Variants in ITGA6 observed in about 807,000 individuals in gnomAD.
ITGA6 encodes integrin subunit alpha 6, also known as integrin alpha-6.
ITGA6 carries 63 observed loss-of-function variants against 133.6 expected under a neutral mutation model. The observed-to-expected ratio is 0.47, with a 90% confidence interval of 0.38 to 0.58. The LOEUF is 0.58. ITGA6 is among the 20% of genes least tolerant of loss of function. The pLI, the probability that ITGA6 is intolerant of heterozygous loss-of-function variation, is 0.00. For synonymous variants in ITGA6, 434 were observed against 482.0 expected, an observed-to-expected ratio of 0.90 and a Z score of 1.30; for missense variants, 1,068 against 1,309.4, an observed-to-expected ratio of 0.82 and a Z score of 2.85.
chr2:172,505,483 T>TA lies in ITGA6; in HGVS notation c.*1417dup, dbSNP rs1262414231. The stretch of plus-strand genomic sequence containing the variant: ...CCCAAAAATTACTTTGGGGCTAATT[T>TA]AACAAGAACTTTAAATTGTGTTTTA... On this transcript the variant is annotated 3_prime_UTR_variant, in exon 26 of 26. Coordinates refer to ENST00000684293, the MANE Select transcript of ITGA6 (RefSeq NM_000210.4). 6.6e-6 allele frequency: 1 copy of TA among 152,392 alleles called. No homozygotes were observed. Among genetic ancestry groups the TA allele is most frequent in the Non-Finnish European group, 1.5e-5 (1 of 68,034 alleles). The allele number at this position is 152,392 out of a possible 1,614,324, so 9.4% of individuals were successfully genotyped here.
At chr2:172,443,371 C>CT (rs1212096070) in intron 1 of ITGA6, among the ~76,000 whole-genome samples, 3 of 152,188 alleles carry the variant, frequency 2.0e-5, no homozygotes, top group African/African-American at 7.2e-5. Context: ...AAAAGCAGTG[C>CT]TGCAGTGAAG....
At chr2:172,486,954 G>C (rs1022655730) in intron 13 of ITGA6, 69 bp from the exon 14 acceptor site, 2 of 820,484 alleles carry the variant, frequency 2.4e-6, no homozygotes, top group Admixed American at 1.8e-5. Flanking sequence ...GGAATAGCCA[G>C]TCACCTACAT....
At chr2:172,450,588 G>A (rs1481875622) in intron 1 of ITGA6, among the ~76,000 whole-genome samples, 1 of 152,048 alleles carries the variant, frequency 6.6e-6, no homozygotes, top group Non-Finnish European at 1.5e-5. Context: ...GGGATATAAG[G>A]GCAAGTGAAG....
chr2:172,484,456 A>T (rs1376047090), intron 11 of ITGA6, among the ~76,000 whole-genome samples: 1 of 152,214 alleles, frequency 6.6e-6, no homozygotes. Context: ...TCCTCTGCTT[A>T]TCGTTAGTAT....
At chr2:172,477,877 C>G (rs995963180) in intron 9 of ITGA6, among the ~76,000 whole-genome samples, 2 of 152,156 alleles carry the variant, frequency 1.3e-5, no homozygotes, top group Admixed American at 6.5e-5. Context: ...ATTTTTTCTA[C>G]TAAATTGTAC....
chr2:172,432,615 AGAAAC>A (rs1299839310), intron 1 of ITGA6, among the ~76,000 whole-genome samples: 1 of 152,236 alleles, frequency 6.6e-6, no homozygotes, highest in Non-Finnish European at 1.5e-5. Flanking sequence ...AGCTTAGCAA[AGAAAC>A]GCACAAGACG....
In ITGA6 at chr2:172,465,641, G is replaced by GCGCCC; in HGVS notation, c.287_288insCCCCG (p.Ile97ProfsTer35). ...ACATCACCGCCCGGGGGCCATGCAC[G>GCGCCC]CGGATCGAGTTTGATAACGATGGTG... On this transcript the variant is annotated frameshift_variant, in exon 2 of 26. Transcript: ENST00000684293. LOFTEE classifies it high-confidence loss of function. The GCGCCC allele has an allele frequency of 6.2e-7, 1 of 1,614,244 alleles. No homozygotes were observed. The highest frequency in any genetic ancestry group is 2.2e-5 in the East Asian group (1 of 44,884).
At chr2:172,436,844 A>G (rs1422651200) in intron 1 of ITGA6, among the ~76,000 whole-genome samples, 6 of 152,228 alleles carry the variant, frequency 3.9e-5, no homozygotes, top group African/African-American at 1.2e-4. Context: ...CGGGGAGACA[A>G]ACCATAAACA....
chr2:172,427,713 C>T lies in ITGA6; in HGVS notation c.-76C>T, dbSNP rs965602977. ...GCGAAGGTGGCTGCGGTAGCAGCAG[C>T]GCGGCAGCCTCGGACCCAGCCCGGA... On this transcript the variant is annotated 5_prime_UTR_variant, in exon 1 of 26. Coordinates refer to ENST00000684293, the MANE Select transcript of ITGA6 (RefSeq NM_000210.4). The T allele has an allele frequency of 6.4e-6, 9 of 1,405,516 alleles. No homozygotes were observed. Among genetic ancestry groups the T allele is most frequent in the Non-Finnish European group, 7.4e-6 (8 of 1,080,844 alleles). 87.1% of individuals were successfully genotyped at this position (1,405,516 alleles called of 1,614,324 possible).
chr2:172,490,525 C>T (rs1686878206), intron 20 of ITGA6, among the ~76,000 whole-genome samples: 5 of 152,190 alleles, frequency 3.3e-5, no homozygotes, highest in Admixed American at 6.5e-5. Context: ...CTAATCTTTG[C>T]TATAAGGAAA....
intron 2 of ITGA6, 127 bp downstream of exon 2, chr2:172,465,790 CTG>C (rs1295900688): frequency 5.4e-6 from 7 of 1,301,542 alleles, no homozygotes; most frequent in East Asian, 2.3e-5. Flanking sequence ...TCAGACTTGA[CTG>C]TTTTTTATTT....
intron 1 of ITGA6, among the ~76,000 whole-genome samples, chr2:172,448,669 A>C (rs1180801164): frequency 6.6e-6 from 1 of 152,222 alleles, no homozygotes. Context: ...GTTGTAGTTT[A>C]TAGTCAAAAG....
chr2:172,479,355 C>T (rs974426419), intron 9 of ITGA6, among the ~76,000 whole-genome samples: 20 of 152,140 alleles, frequency 1.3e-4, no homozygotes, highest in East Asian at 1.2e-3. Flanking sequence ...CTTGGGTGTT[C>T]GGGTGGGAAT....
chr2:172,496,790 C>T (rs1687144428), intron 23 of ITGA6, among the ~76,000 whole-genome samples: 1 of 152,196 alleles, frequency 6.6e-6, no homozygotes, highest in Non-Finnish European at 1.5e-5. Flanking sequence ...CCTGGTATCA[C>T]AAAAGTTCAT....
intron 20 of ITGA6, among the ~76,000 whole-genome samples, chr2:172,490,249 C>A (rs13426548): frequency 0.024 from 3,651 of 152,280 alleles, 134 homozygotes; most frequent in African/African-American, 0.084. Context: ...GTAACTCTCT[C>A]AGTCACTCAG....
At chr2:172,461,409 TC>T in intron 1 of ITGA6, among the ~76,000 whole-genome samples, 1 of 152,268 alleles carries the variant, frequency 6.6e-6, no homozygotes, top group East Asian at 1.9e-4. Flanking sequence ...ACACCCAGAT[TC>T]TTGCCCTTTG....
At chr2:172,497,947 T>C in intron 23 of ITGA6, 28 bp from the exon 24 acceptor site, 7 of 1,613,298 alleles carry the variant, frequency 4.3e-6, no homozygotes, top group Non-Finnish European at 5.9e-6. Context: ...CTGTATGTAG[T>C]AATGCTGCTT....
intron 9 of ITGA6, among the ~76,000 whole-genome samples, chr2:172,477,022 G>A (rs990990718): frequency 6.6e-6 from 1 of 152,172 alleles, no homozygotes; most frequent in African/African-American, 2.4e-5. Context: ...GTTAACAACT[G>A]TCTGTGAGGC....
At chr2:172,485,398 C>T (rs981549492) in intron 13 of ITGA6, 134 bp downstream of exon 13, 57 of 832,274 alleles carry the variant, frequency 6.8e-5, no homozygotes, top group Non-Finnish European at 9.7e-5. Context: ...TTTTAATGTA[C>T]GCAAAGTTAG....
Sources: gnomAD v4.1 joint callset for allele counts (sites outside exome capture counted in the v4.1 genomes callset) on GRCh38, gnomAD v4.1.1 for gene constraint, MANE v1.5 for transcripts, NCBI Gene and HGNC (gene_info 2026-07-23, HGNC 2026-07-21) for gene names.